Variants in TEKT5 observed in about 807,000 individuals in gnomAD.
TEKT5 encodes tektin-5.
TEKT5 carries 52 observed loss-of-function variants against 48.7 expected under a neutral mutation model. The observed-to-expected ratio is 1.07, with a 90% CI of 0.86 to 1.35. The LOEUF is 1.35. Among genes scored for constraint, TEKT5 ranks in the 40% most tolerant of loss-of-function variants. The pLI, the probability that TEKT5 is intolerant of heterozygous loss-of-function variation, is 0.00. For missense variants in TEKT5, 831 were observed against 641.6 expected, an observed-to-expected ratio of 1.30 and a Z score of -3.19; for synonymous variants, 318 against 267.6, an observed-to-expected ratio of 1.19 and a Z score of -1.84.
At chr16:10,688,308 C>T (rs931621054) in intron 3 of TEKT5, among the ~76,000 whole-genome samples, 3 of 152,214 alleles carry the variant, frequency 2.0e-5, no homozygotes, top group South Asian at 2.1e-4. Flanking sequence ...AGCTTGCCTG[C>T]GATGTCTTTC....
At chr16:10,630,649 C>T (rs1349779101) in intron 6 of TEKT5, among the ~76,000 whole-genome samples, 1 of 152,196 alleles carries the variant, frequency 6.6e-6, no homozygotes, top group East Asian at 1.9e-4. Context: ...ATGGTACCCA[C>T]CAGCCCCATG....
At chr16:10,647,784 T>A (rs1258844902) in intron 5 of TEKT5, among the ~76,000 whole-genome samples, 1 of 152,226 alleles carries the variant, frequency 6.6e-6, no homozygotes, top group Non-Finnish European at 1.5e-5. Context: ...CTTTTCTTCA[T>A]TCATTCATTC....
At position 10,627,579 on chromosome 16, in the gene TEKT5, G is replaced by A. The variant is rs1367514181; in HGVS notation, c.*4C>T. On this transcript the variant is annotated 3_prime_UTR_variant, in exon 7 of 7. Transcript: ENST00000283025. ...CAGCGCGGAATGAGGCGCCAGGGCG[G>A]TGCTCAGGTGTGGCCCACCAGGCGC... 9.3e-6 allele frequency: 15 copies of A among 1,613,922 alleles called. No homozygotes were observed. The highest frequency in any genetic ancestry group is 2.2e-5 in the East Asian group (1 of 44,902).
At chr16:10,654,345 C>A (rs894767963) in intron 5 of TEKT5, among the ~76,000 whole-genome samples, 1 of 152,142 alleles carries the variant, frequency 6.6e-6, no homozygotes, top group African/African-American at 2.4e-5. Context: ...GCCACTGCAC[C>A]CAGCCAGTGG....
intron 5 of TEKT5, among the ~76,000 whole-genome samples, chr16:10,654,259 C>A (rs1455367254): frequency 6.6e-6 from 1 of 152,132 alleles, no homozygotes; most frequent in Non-Finnish European, 1.5e-5. Flanking sequence ...CCGCGTTGGC[C>A]AGGCTGATCT....
intron 3 of TEKT5, among the ~76,000 whole-genome samples, chr16:10,688,439 C>A (rs1200789499): frequency 1.3e-5 from 2 of 152,340 alleles, no homozygotes; most frequent in Non-Finnish European, 2.9e-5. Flanking sequence ...GGTGCCCGCC[C>A]CCCCTGCATC....
intron 5 of TEKT5, among the ~76,000 whole-genome samples, chr16:10,645,887 T>C (rs903738826): frequency 4.6e-5 from 7 of 152,070 alleles, no homozygotes; most frequent in Non-Finnish European, 8.8e-5. Flanking sequence ...TCCAGCACTT[T>C]GCGGGGCACT....
intron 6 of TEKT5, among the ~76,000 whole-genome samples, chr16:10,634,118 G>A (rs1203641264): frequency 6.6e-5 from 10 of 152,162 alleles, no homozygotes; most frequent in Non-Finnish European, 2.9e-5. Flanking sequence ...TGAAGCCCTG[G>A]CTTAGTGCTG....
chr16:10,664,271 G>A (rs1161905868), intron 5 of TEKT5, among the ~76,000 whole-genome samples: 1 of 152,146 alleles, frequency 6.6e-6, no homozygotes, highest in Non-Finnish European at 1.5e-5. Flanking sequence ...CTGCTGCAGG[G>A]AGGGAAGGAA....
intron 5 of TEKT5, among the ~76,000 whole-genome samples, chr16:10,666,978 C>CTTTTTTTTTT (rs201657619): frequency 2.4e-5 from 3 of 124,670 alleles, no homozygotes; most frequent in Admixed American, 8.3e-5. Context: ...TGGCTCCTTA[C>CTTTTTTTTTT]TTTTTTTTTT....
At chr16:10,630,882 G>A (rs2142254121) in intron 6 of TEKT5, among the ~76,000 whole-genome samples, 1 of 151,680 alleles carries the variant, frequency 6.6e-6, no homozygotes, top group South Asian at 2.1e-4. Context: ...AAATTAGCCA[G>A]GTGTCATGGT....
intron 5 of TEKT5, among the ~76,000 whole-genome samples, chr16:10,666,407 C>T (rs918441621): frequency 1.1e-4 from 16 of 152,210 alleles, no homozygotes. Flanking sequence ...CAGGCCCAAA[C>T]ATTCTTTGCT....
At chr16:10,633,280 G>A (rs1259608937) in intron 6 of TEKT5, among the ~76,000 whole-genome samples, 1 of 152,136 alleles carries the variant, frequency 6.6e-6, no homozygotes, top group East Asian at 1.9e-4. Flanking sequence ...AGAATCTCTT[G>A]AACCCGGGAG....
At chr16:10,690,565 A>G (rs1408587300) in intron 1 of TEKT5, 2 of 985,122 alleles carry the variant, frequency 2.0e-6, no homozygotes, top group Admixed American at 6.2e-5. Flanking sequence ...TGACAAGTGT[A>G]AATCACTGAG....
At chr16:10,653,639 G>A (rs1389104615) in intron 5 of TEKT5, among the ~76,000 whole-genome samples, 1 of 152,220 alleles carries the variant, frequency 6.6e-6, no homozygotes, top group African/African-American at 2.4e-5. Flanking sequence ...CCGGCCAGGT[G>A]TGGTGGCCTA....
intron 5 of TEKT5, among the ~76,000 whole-genome samples, chr16:10,636,983 ATTTT>A (rs71404408): frequency 2.4e-5 from 3 of 123,758 alleles, no homozygotes; most frequent in African/African-American, 3.3e-5. Flanking sequence ...CACCTGGCTG[ATTTT>A]TTTTTTTTTT....
In TEKT5 at chr16:10,694,356, T is replaced by C. The variant is rs768429949; in HGVS notation, c.518A>G (p.Lys173Arg). 6 of 1,613,166 alleles carry C rather than the reference T, an allele frequency of 3.7e-6. No homozygotes were observed. Among genetic ancestry groups the C allele is most frequent in the African/African-American group, 1.3e-5 (1 of 75,050 alleles). The change falls in exon 1 of 7, where the codon AAG becomes AGG. Residue 173 changes from lysine (K) to arginine (R), a missense_variant. Lys to Arg is a conservative substitution (Grantham distance 26). Coordinates refer to ENST00000283025, the MANE Select transcript of TEKT5 (RefSeq NM_144674.2). The stretch of plus-strand genomic sequence containing the variant: ...ATTGGCCGCGCACTCCAGCCGCCTC[T>C]TGACCGTCTCCAAGTTCTGGTTCTC... Reference protein sequence around the residue: ...LTENQNLETVKRRLECAANEV... With the variant: ...LTENQNLETVRRRLECAANEV...
rs74007198 is a variant in TEKT5, at chr16:10,640,997, G to T, written c.1087-5079C>A. Among the ~76,000 whole-genome samples, 1,342 of 152,238 alleles carry T rather than the reference G, an allele frequency of 8.8e-3. 20 individuals are homozygous for T. The highest frequency in any genetic ancestry group is 0.031 in the African/African-American group (1,292 of 41,528). On this transcript the variant is annotated intron_variant, in intron 5 of 6. Coordinates refer to ENST00000283025, the MANE Select transcript of TEKT5 (RefSeq NM_144674.2). ...ATTTCTTTTGGGTAAATGCCTAGGA[G>T]TGGAATAGCTGGATCATAGAATAGG...
intron 5 of TEKT5, among the ~76,000 whole-genome samples, chr16:10,639,649 A>C (rs936918853): frequency 1.3e-5 from 2 of 152,238 alleles, no homozygotes; most frequent in Admixed American, 1.3e-4. Flanking sequence ...CTATTTTTCA[A>C]ATAAGACACC....
Sources: gnomAD v4.1 joint callset for allele counts (sites outside exome capture counted in the v4.1 genomes callset) on GRCh38, gnomAD v4.1.1 for gene constraint, MANE v1.5 for transcripts, NCBI Gene and HGNC (gene_info 2026-07-23, HGNC 2026-07-21) for gene names.